The following BDP1 variants were observed in gnomAD, a reference collection of about 807,000 sequenced individuals.
BDP1 encodes transcription factor TFIIIB component B'' homolog.
A neutral mutation model predicts 266.6 loss-of-function variants in BDP1; 169 were observed. The ratio of observed to expected loss-of-function variants is 0.63; its 90% CI spans 0.56 to 0.72. The LOEUF (loss-of-function observed/expected upper bound fraction) is 0.72, where lower values mean the gene tolerates loss of function less well. Among genes scored for constraint, BDP1 ranks in the 30% least tolerant of loss-of-function variants. The probability of loss-of-function intolerance (pLI) is 0.00; values close to 1 mark genes in which losing one functional copy is unlikely to be tolerated. For missense variants in BDP1, 3,015 were observed against 3,053.8 expected (o/e 0.99, Z 0.30); for synonymous variants, 1,090 against 1,022.4 (o/e 1.07, Z -1.26).
intron 19 of BDP1, 41 bp from the exon 20 acceptor site, chr5:71,514,903 C>T (rs762021728): frequency 1.3e-4 from 189 of 1,410,466 alleles, no homozygotes; most frequent in South Asian, 3.9e-5. Context: ...TTTCCTTATA[C>T]TTTTAGCAAC....
the BDP1 span, among the ~76,000 whole-genome samples, chr5:71,573,237 AAAAAGAAAG>A: frequency 3.0e-5 from 4 of 131,754 alleles, no homozygotes; most frequent in East Asian, 2.1e-4. Flanking sequence ...CAAAAAAAAA[AAAAAGAAAG>A]AAAAGAAAAG....
intron 26 of BDP1, among the ~76,000 whole-genome samples, chr5:71,533,266 GT>G (rs1454099947): frequency 6.6e-6 from 1 of 152,110 alleles, no homozygotes; most frequent in African/African-American, 2.4e-5. Flanking sequence ...TGTACAATAT[GT>G]TTTTATTTCT....
chr5:71,535,200 C>T (rs1766516228), intron 26 of BDP1, among the ~76,000 whole-genome samples: 1 of 150,874 alleles, frequency 6.6e-6, no homozygotes, highest in Non-Finnish European at 1.5e-5. Context: ...CATAAAATAA[C>T]AATTTTTTTT....
At chr5:71,471,717 A>G (rs945763670) in intron 7 of BDP1, among the ~76,000 whole-genome samples, 6 of 152,232 alleles carry the variant, frequency 3.9e-5, no homozygotes, top group African/African-American at 1.4e-4. Flanking sequence ...TCATCACACT[A>G]TGTTGCCATA....
rs1761125915 is a variant in BDP1, at chr5:71,455,745, G to A, written c.-133G>A. On this transcript the variant is annotated 5_prime_UTR_variant, in exon 1 of 39. Coordinates refer to ENST00000358731, the MANE Select transcript of BDP1 (RefSeq NM_018429.3). ...GGCGGCGGCGGGGCAGTGAAACTAC[G>A]GTAGCTGCCCCCTGAGCTGGTGGTG... is the stretch of plus-strand genomic sequence containing the variant. The A allele has an allele frequency of 2.7e-6, 2 of 750,834 alleles. No individual in the cohort carries two copies. The highest frequency in any genetic ancestry group is 1.8e-5 in the South Asian group (1 of 54,196). 46.5% of individuals were successfully genotyped at this position (750,834 alleles called of 1,614,324 possible).
At chr5:71,557,487 C>T (rs1248219656) in intron 36 of BDP1, among the ~76,000 whole-genome samples, 1 of 149,988 alleles carries the variant, frequency 6.7e-6, no homozygotes, top group Non-Finnish European at 1.5e-5. Context: ...TGGGCTCACA[C>T]CATTCTCCTG....
chr5:71,522,460 A>G lies in BDP1; in HGVS notation c.5163A>G (p.Lys1721=), dbSNP rs370315570. ...EGKPEDHLLQ[K]GASNTQLLLK... is the part of the protein sequence containing the mutation. ...AGCCAGAAGATCATTTGCTGCAGAA[A>G]GGAGCTTCCAACACCCAGCTCCTTC... Residue 1721 remains lysine (K), a synonymous_variant, in exon 23 of 39, where the codon AAA becomes AAG. Transcript: ENST00000358731. The G allele has an allele frequency of 1.2e-6, 2 of 1,613,110 alleles. No individual in the cohort carries two copies. Among genetic ancestry groups the G allele is most frequent in the Non-Finnish European group, 8.5e-7 (1 of 1,179,800 alleles).
At chr5:71,537,149 C>CAAAAAAAAA (rs70992979) in intron 26 of BDP1, among the ~76,000 whole-genome samples, 1,130 of 82,066 alleles carry the variant, frequency 0.014, no homozygotes, top group East Asian at 0.02. Context: ...ACCAAAAAAC[C>CAAAAAAAAA]AAAAAAAAAA....
intron 4 of BDP1, among the ~76,000 whole-genome samples, chr5:71,465,610 C>T (rs944482884): frequency 1.4e-4 from 21 of 152,240 alleles, no homozygotes; most frequent in Admixed American, 5.2e-4. Context: ...GGGCCAGGCA[C>T]GGTGGCTCAC....
intron 36 of BDP1, among the ~76,000 whole-genome samples, chr5:71,557,406 A>G (rs1390538084): frequency 3.9e-5 from 2 of 51,388 alleles, no homozygotes; most frequent in African/African-American, 1.6e-4. Flanking sequence ...TTTTTTTGAG[A>G]CGGTGTCTCG....
Position 71,458,564 on chromosome 5 carries a change from T to C in BDP1, c.213-15T>C. Reference sequence around the variant, plus strand: ...AGATTCATGTGCCCTCTTTTTTCTTTTTTAATTTCAACAGTACTGAAAAGA... The same window carrying C: ...AGATTCATGTGCCCTCTTTTTTCTTCTTTAATTTCAACAGTACTGAAAAGA... On this transcript the variant is annotated splice_polypyrimidine_tract_variant and intron_variant, in intron 1 of 38. Transcript: ENST00000358731. 1 of 1,558,770 alleles carries C rather than the reference T, an allele frequency of 6.4e-7. No homozygotes were observed. Among genetic ancestry groups the C allele is most frequent in the Non-Finnish European group, 8.7e-7 (1 of 1,155,542 alleles).
intron 6 of BDP1, among the ~76,000 whole-genome samples, chr5:71,469,934 C>T (rs143914787): frequency 0.025 from 3,776 of 151,788 alleles, 72 homozygotes; most frequent in South Asian, 0.072. Context: ...CTCCGCTTCC[C>T]GGGTTCAAGC....
At chr5:71,481,034 C>T (rs1384948644) in intron 7 of BDP1, among the ~76,000 whole-genome samples, 1 of 151,990 alleles carries the variant, frequency 6.6e-6, no homozygotes, top group Non-Finnish European at 1.5e-5. Context: ...ATTAGCCAGG[C>T]GTGGTGGCGT....
At chr5:71,544,893 A>G in intron 31 of BDP1, 146 bp from the exon 32 acceptor site, 1 of 679,956 alleles carries the variant, frequency 1.5e-6, no homozygotes, top group Non-Finnish European at 2.4e-6. Context: ...AAAAAAAAAA[A>G]AAAAAAAAAA....
In BDP1 at chr5:71,524,299, T is replaced by A. The variant is rs1765657962; in HGVS notation, c.5748T>A (p.Ala1916=). The A allele has an allele frequency of 6.3e-7, 1 of 1,596,522 alleles. No individual in the cohort carries two copies. The highest frequency in any genetic ancestry group is 1.3e-5 in the African/African-American group (1 of 74,430). Reference sequence around the variant, plus strand: ...TCAGATCTCCTGAACCTGTTTCTGCTCAGATTGAGGAAACAATGGAAGAGG... The same window carrying A: ...TCAGATCTCCTGAACCTGTTTCTGCACAGATTGAGGAAACAATGGAAGAGG... ...VGLRSPEPVS[A]QIEETMEELE... Residue 1916 remains alanine, a synonymous_variant, in exon 25 of 39, where the codon GCT becomes GCA. Transcript: ENST00000358731.
intron 32 of BDP1, 117 bp from the exon 33 acceptor site, chr5:71,548,565 C>G: frequency 1.5e-6 from 1 of 664,504 alleles, no homozygotes; most frequent in East Asian, 2.6e-5. Flanking sequence ...CACTTGAAAA[C>G]TGTATATGGT....
At chr5:71,478,004 A>G (rs1406571334) in intron 7 of BDP1, among the ~76,000 whole-genome samples, 2 of 152,186 alleles carry the variant, frequency 1.3e-5, no homozygotes, top group African/African-American at 2.4e-5. Context: ...TAATCCGAGC[A>G]CTTTGGGAGG....
At chr5:71,571,258 C>T (rs1470987308), downstream of BDP1, among the ~76,000 whole-genome samples, 1 of 152,202 alleles carries the variant, frequency 6.6e-6, no homozygotes, top group Non-Finnish European at 1.5e-5. Flanking sequence ...GATCCTCCCG[C>T]CTTTGCCTCC....
In BDP1 at chr5:71,566,655, T is replaced by A. The variant is rs1381504287; in HGVS notation, c.*1770T>A. On this transcript the variant is annotated 3_prime_UTR_variant, in exon 39 of 39. Transcript: ENST00000358731. ...TCAGTGTGAAAGAAGCCATAGACAG[T>A]ACTTGAATGAAGGACTGTGGCTGGA... The A allele has an allele frequency of 1.3e-5, 2 of 152,316 alleles. No individual in the cohort carries two copies. Among genetic ancestry groups the A allele is most frequent in the East Asian group, 3.9e-4 (2 of 5,182 alleles). 9.4% of individuals were successfully genotyped at this position (152,316 alleles called of 1,614,324 possible). A position where few individuals can be genotyped will look rare whatever the true frequency, so the allele number is the denominator to read the frequency against.
Sources: gnomAD v4.1 joint callset for allele counts (sites outside exome capture counted in the v4.1 genomes callset) on GRCh38, gnomAD v4.1.1 for gene constraint, MANE v1.5 for transcripts, NCBI Gene and HGNC (gene_info 2026-07-23, HGNC 2026-07-21) for gene names.